TENM2: variants seen among roughly 807,000 people sequenced by gnomAD.
TENM2 encodes the protein teneurin-2.
A neutral mutation model predicts 245.2 loss-of-function variants in TENM2; 52 were observed. The observed-to-expected ratio is 0.21, with a 90% CI of 0.17 to 0.27. The LOEUF is 0.27. TENM2 is among the 10% of genes least tolerant of loss of function. TENM2 has a pLI of 1.00. For missense variants in TENM2, 3,046 were observed against 3,666.8 expected (o/e 0.83, Z 4.37); for synonymous variants, 1,363 against 1,438.9 (o/e 0.95, Z 1.19).
At chr5:167,421,848 A>G (rs1763526380) in intron 2 of TENM2, among the ~76,000 whole-genome samples, 1 of 152,184 alleles carries the variant, frequency 6.6e-6, no homozygotes, top group Non-Finnish European at 1.5e-5. Context: ...GCTGGAGTAC[A>G]GTGCCATGAT....
chr5:168,240,462 A>G (rs1192118513), intron 25 of TENM2, among the ~76,000 whole-genome samples: 1 of 152,214 alleles, frequency 6.6e-6, no homozygotes, highest in African/African-American at 2.4e-5. Flanking sequence ...AAACTTGAGC[A>G]AGTCACTTAA....
At chr5:168,206,719 A>C (rs6898935) in intron 19 of TENM2, among the ~76,000 whole-genome samples, 25,091 of 152,074 alleles carry the variant, frequency 0.16, 3,119 homozygotes, top group African/African-American at 0.35. Flanking sequence ...AATCCTAGGA[A>C]AGCCTCCTTT....
the TENM2 span, among the ~76,000 whole-genome samples, chr5:167,093,464 C>T: frequency 2.0e-5 from 3 of 152,236 alleles, no homozygotes; most frequent in East Asian, 5.8e-4. Flanking sequence ...GCCAGGAAAA[C>T]AAGGTTAATA....
intron 23 of TENM2, among the ~76,000 whole-genome samples, chr5:168,220,622 T>C (rs1249765046): frequency 6.6e-6 from 1 of 152,200 alleles, no homozygotes; most frequent in African/African-American, 2.4e-5. Flanking sequence ...CCTGAAAAGA[T>C]GGTGAGTTCT....
At chr5:168,203,113 TC>T (rs1762066604) in intron 17 of TENM2, among the ~76,000 whole-genome samples, 2 of 152,180 alleles carry the variant, frequency 1.3e-5, no homozygotes, top group Non-Finnish European at 2.9e-5. Context: ...CCCCATTGAA[TC>T]CCCATGTAAC....
At chr5:166,996,249 A>C in the TENM2 span, among the ~76,000 whole-genome samples, 1 of 152,128 alleles carries the variant, frequency 6.6e-6, no homozygotes, top group Non-Finnish European at 1.5e-5. Flanking sequence ...AGGGTGAGGC[A>C]GGAGAATGGC....
rs556767472 is a variant in TENM2, at chr5:168,031,808, A to G, written c.1187-15619A>G. Among the ~76,000 whole-genome samples the G allele has an allele frequency of 2.5e-3, 373 of 148,766 alleles. 1 individual carries two copies. The highest frequency in any genetic ancestry group is 8.3e-3 in the African/African-American group (335 of 40,330). ...AGGAGGGAAGGAGGAAGGGAGGGAG[A>G]GAGGGAGGAAGGGAAGGAGGAAGGG... is the stretch of plus-strand genomic sequence containing the variant. On this transcript the variant is annotated intron_variant, in intron 5 of 28. Transcript: ENST00000518659.
At chr5:167,032,702 T>C in the TENM2 span, among the ~76,000 whole-genome samples, 22 of 152,274 alleles carry the variant, frequency 1.4e-4, no homozygotes, top group African/African-American at 5.1e-4. Context: ...TTCCCCCTAC[T>C]TTTTCCTCAC....
intron 7 of TENM2, among the ~76,000 whole-genome samples, chr5:168,087,072 C>G (rs1562141313): frequency 1.3e-5 from 2 of 152,246 alleles, no homozygotes; most frequent in Non-Finnish European, 2.9e-5. Flanking sequence ...GCCTCTAGCC[C>G]TTGCCCAAGT....
At chr5:167,656,856 T>C (rs1452930693) in intron 2 of TENM2, among the ~76,000 whole-genome samples, 1 of 152,064 alleles carries the variant, frequency 6.6e-6, no homozygotes, top group Non-Finnish European at 1.5e-5. Context: ...TATACATATT[T>C]ATAGGGTACA....
chr5:167,325,019 T>G (rs967768970), intron 1 of TENM2, among the ~76,000 whole-genome samples: 1 of 152,196 alleles, frequency 6.6e-6, no homozygotes, highest in African/African-American at 2.4e-5. Flanking sequence ...ATGGTGATGC[T>G]GTATCAAGTC....
chr5:167,041,694 A>G, the TENM2 span, among the ~76,000 whole-genome samples: 7 of 152,218 alleles, frequency 4.6e-5, no homozygotes, highest in Non-Finnish European at 8.8e-5. Flanking sequence ...TGGTTCTTTT[A>G]AAAAATTACA....
chr5:167,442,757 CTG>C (rs1764942535), intron 2 of TENM2, among the ~76,000 whole-genome samples: 1 of 151,934 alleles, frequency 6.6e-6, no homozygotes, highest in East Asian at 1.9e-4. Flanking sequence ...CATTGTTTGC[CTG>C]TGTCATGGAA....
At position 167,526,665 on chromosome 5, in the gene TENM2, A is replaced by C. The variant is rs568897571; in HGVS notation, c.502+151192A>C. 5.3e-5 allele frequency among the ~76,000 whole-genome samples: 8 copies of C among 152,258 alleles called. No individual in the cohort carries two copies. In the South Asian group the frequency reaches 1.2e-3, roughly 24 times the overall value. On this transcript the variant is annotated intron_variant, in intron 2 of 28. Transcript: ENST00000518659. ...CATGCCAGTATATTAATACTTAAGA[A>C]AAATTTCTCTGGATCTTTACTCCTA...
intron 7 of TENM2, among the ~76,000 whole-genome samples, chr5:168,083,861 C>T (rs1049234660): frequency 6.6e-6 from 1 of 152,106 alleles, no homozygotes; most frequent in Non-Finnish European, 1.5e-5. Context: ...GTGAGCCTAG[C>T]ACCCAGTGGT....
At chr5:167,953,050 C>G (rs971198330) in intron 4 of TENM2, among the ~76,000 whole-genome samples, 1 of 152,198 alleles carries the variant, frequency 6.6e-6, no homozygotes, top group Non-Finnish European at 1.5e-5. Flanking sequence ...TTTACTTTCT[C>G]GGATAGCTCT....
At chr5:167,006,749 C>T in the TENM2 span, among the ~76,000 whole-genome samples, 1 of 151,996 alleles carries the variant, frequency 6.6e-6, no homozygotes, top group Non-Finnish European at 1.5e-5. Context: ...TCACTGCAAC[C>T]TCTGCCTCCT....
chr5:168,046,293 C>T lies in TENM2; in HGVS notation c.1187-1134C>T, dbSNP rs76197736. On this transcript the variant is annotated intron_variant, in intron 5 of 28. Coordinates refer to ENST00000518659, the Ensembl canonical transcript of TENM2. ...TCCCATCCCCACATCAGACTCCAAA[C>T]GTCTCCCTGTCAACAGCCCTTTCTC... Among the ~76,000 whole-genome samples, 1,158 of 152,300 alleles carry T rather than the reference C, an allele frequency of 7.6e-3. 19 individuals carry two copies. Among genetic ancestry groups the T allele is most frequent in the Middle Eastern group, 0.037 (11 of 294 alleles).
intron 27 of TENM2, among the ~76,000 whole-genome samples, chr5:168,253,935 C>T (rs1427041600): frequency 6.6e-6 from 1 of 152,234 alleles, no homozygotes; most frequent in African/African-American, 2.4e-5. Flanking sequence ...AGACGTGGCC[C>T]ATGATGATGC....
Sources: allele counts gnomAD v4.1 joint callset (sites outside exome capture counted in the v4.1 genomes callset), GRCh38; gene constraint gnomAD v4.1.1; transcripts MANE v1.5; gene names NCBI Gene and HGNC (gene_info 2026-07-23, HGNC 2026-07-21).